Variants in A2ML1 observed in about 807,000 individuals in gnomAD.
The protein encoded by A2ML1 is alpha-2-macroglobulin like 1.
A2ML1 carries 161 observed loss-of-function variants against 181.9 expected under a neutral mutation model. The ratio of observed to expected loss-of-function variants is 0.89; its 90% CI spans 0.78 to 1.01. The LOEUF is 1.01. A2ML1 is among the 50% of genes least tolerant of loss of function. The probability of loss-of-function intolerance (pLI) is 0.00; values close to 1 mark genes in which losing one functional copy is unlikely to be tolerated. For synonymous variants in A2ML1, 663 were observed against 666.8 expected (o/e 0.99, Z 0.09); for missense variants, 1,670 against 1,768.1 (o/e 0.94, Z 1.00).
chr12:8,857,561 G>A lies in A2ML1; in HGVS notation c.3080G>A (p.Gly1027Glu), dbSNP rs1167504920. Reference protein sequence around the residue: ...KHSNGSYSAFGERDGNGNTWL... With the variant: ...KHSNGSYSAFEERDGNGNTWL... ...AGCAATGGCTCATACAGTGCCTTTGGGGAGCGAGATGGAAATGGAAACACA... is the reference window on the plus strand; with the variant it reads ...AGCAATGGCTCATACAGTGCCTTTGAGGAGCGAGATGGAAATGGAAACACA... The change falls in exon 25 of 36, where the codon GGG (glycine) becomes GAG (glutamate). Residue 1027 changes from glycine to glutamate, a missense_variant. Coordinates refer to ENST00000299698, the MANE Select transcript of A2ML1 (RefSeq NM_144670.6). 6.2e-7 allele frequency: 1 copy of A among 1,611,864 alleles called. No homozygotes were observed. Among genetic ancestry groups the A allele is most frequent in the Non-Finnish European group, 8.5e-7 (1 of 1,179,128 alleles).
chr12:8,830,681 T>G (rs1943081970), intron 4 of A2ML1: 1 of 152,174 alleles, frequency 6.6e-6, no homozygotes, highest in Non-Finnish European at 1.5e-5. Context: ...ACCCCTGCTT[T>G]CTTCCTCTTC....
At chr12:8,866,597 T>G (rs1944435921) in intron 29 of A2ML1, among the ~76,000 whole-genome samples, 1 of 152,162 alleles carries the variant, frequency 6.6e-6, no homozygotes, top group South Asian at 2.1e-4. Context: ...TTACCCACAC[T>G]GGTTTTTCAG....
chr12:8,831,242 G>GCACC (rs1943103278), intron 4 of A2ML1, among the ~76,000 whole-genome samples: 2 of 152,120 alleles, frequency 1.3e-5, no homozygotes, highest in South Asian at 4.1e-4. Context: ...CTGAGCCACT[G>GCACC]CACCCGGCCT....
Position 8,850,148 on chromosome 12 carries a change from C to T in A2ML1, c.2120-12C>T, listed in dbSNP as rs1943838344. 6.9e-6 allele frequency: 11 copies of T among 1,588,288 alleles called. No individual in the cohort carries two copies. Among genetic ancestry groups the T allele is most frequent in the Non-Finnish European group, 9.4e-6 (11 of 1,170,900 alleles). On this transcript the variant is annotated splice_polypyrimidine_tract_variant and intron_variant, in intron 17 of 35. Transcript: ENST00000299698. The stretch of plus-strand genomic sequence containing the variant: ...CTGTTTCCTAAAGTTTTCGTATTCT[C>T]AATTTCATCAGCAGGCGGTGGTCAT...
chr12:8,870,605 C>T (rs1287150949), intron 33 of A2ML1, among the ~76,000 whole-genome samples: 1 of 152,148 alleles, frequency 6.6e-6, no homozygotes, highest in African/African-American at 2.4e-5. Context: ...CTCGGGTTAG[C>T]TTATCTGGCA....
intron 2 of A2ML1, 30 bp downstream of exon 2, chr12:8,823,395 C>A: frequency 6.3e-7 from 1 of 1,589,150 alleles, no homozygotes; most frequent in South Asian, 1.1e-5. Context: ...TCACTCGAAT[C>A]CCTTACTTGC....
At chr12:8,841,302 T>A in intron 10 of A2ML1, 67 bp from the exon 11 acceptor site, 1 of 1,450,296 alleles carries the variant, frequency 6.9e-7, no homozygotes, top group South Asian at 1.4e-5. Flanking sequence ...ACCTAATATT[T>A]CACTTTACCT....
intron 17 of A2ML1, among the ~76,000 whole-genome samples, 162 bp from the exon 18 acceptor site, chr12:8,849,998 C>G (rs1441313695): frequency 2.0e-5 from 3 of 152,134 alleles, no homozygotes; most frequent in Non-Finnish European, 4.4e-5. Flanking sequence ...CCCTCGATGG[C>G]CTTTGTGACT....
intron 33 of A2ML1, among the ~76,000 whole-genome samples, chr12:8,870,738 G>A (rs1419259424): frequency 6.6e-6 from 1 of 152,132 alleles, no homozygotes; most frequent in Non-Finnish European, 1.5e-5. Context: ...TGGAGAGAGA[G>A]AGTGGGTTGT....
At position 8,841,565 on chromosome 12, in the gene A2ML1, A is replaced by T. The variant is rs139302523; in HGVS notation, c.1248+29A>T. The T allele has an allele frequency of 5.6e-4, 893 of 1,585,714 alleles. 5 individuals are homozygous for T. In the African/African-American group the frequency reaches 0.01, roughly 19 times the overall value. ...AGCATGGACGGAGGACCAGCTTCCT[A>T]GAAAGGAAGGCTTCCCTGAAGGAAA... On this transcript the variant is annotated intron_variant, in intron 11 of 35. Coordinates refer to ENST00000299698, the MANE Select transcript of A2ML1 (RefSeq NM_144670.6).
rs759591493 is a variant in A2ML1, at chr12:8,828,755, G to A, written c.410-972G>A. 1.7e-4 allele frequency among the ~76,000 whole-genome samples: 26 copies of A among 152,298 alleles called. No homozygotes were observed. In the South Asian group the frequency reaches 4.6e-3, roughly 27 times the overall value. ...TCTCTGAGTCTCACCCAAGGCCCACGACAAGTACTGCCCAGCTATCACTGC... is the reference window on the plus strand; with the variant it reads ...TCTCTGAGTCTCACCCAAGGCCCACAACAAGTACTGCCCAGCTATCACTGC... On this transcript the variant is annotated intron_variant, in intron 3 of 35. Transcript: ENST00000299698.
chr12:8,831,775 GT>G (rs1159507463), intron 4 of A2ML1, among the ~76,000 whole-genome samples: 5 of 151,734 alleles, frequency 3.3e-5, no homozygotes, highest in Non-Finnish European at 5.9e-5. Context: ...TTGAGACGGA[GT>G]TTCATTCTTG....
intron 23 of A2ML1, among the ~76,000 whole-genome samples, chr12:8,856,536 T>C (rs1565484329): frequency 6.6e-6 from 1 of 152,108 alleles, no homozygotes; most frequent in Non-Finnish European, 1.5e-5. Flanking sequence ...CAGTGACAAC[T>C]TGGAAAAGAG....
rs1024135784 is a variant in A2ML1, at chr12:8,852,758, G to A, written c.2590+422G>A. On this transcript the variant is annotated intron_variant, in intron 20 of 35. Transcript: ENST00000299698. This position sits in a 1 kb window ranked among gnomAD's most constrained non-coding sequence, Gnocchi z 4.2. ...GTTGCGCAGGCTGGAGTGCAGTGGT[G>A]CAATCTGTGCTTACTGCAACCTCCA... Among the ~76,000 whole-genome samples the A allele has an allele frequency of 6.6e-5, 10 of 152,080 alleles. No individual in the cohort carries two copies. Among genetic ancestry groups the A allele is most frequent in the African/African-American group, 2.4e-4 (10 of 41,412 alleles).
At chr12:8,839,045 T>C in intron 9 of A2ML1, 68 bp from the exon 10 acceptor site, 1 of 1,109,218 alleles carries the variant, frequency 9.0e-7, no homozygotes, top group East Asian at 2.4e-5. Context: ...TCTCAGAGAC[T>C]TGACATTAAA....
intron 7 of A2ML1, among the ~76,000 whole-genome samples, chr12:8,837,172 A>C (rs901262294): frequency 6.6e-6 from 1 of 152,150 alleles, no homozygotes; most frequent in African/African-American, 2.4e-5. Flanking sequence ...GGTGTGAGCC[A>C]CCATGCCCAG....
intron 23 of A2ML1, 93 bp from the exon 24 acceptor site, chr12:8,857,071 G>A (rs930016679): frequency 8.0e-7 from 1 of 1,256,464 alleles, no homozygotes; most frequent in Non-Finnish European, 1.1e-6. Context: ...TTAAATGATA[G>A]CTAATACGTG....
At chr12:8,824,935 G>A (rs1180599639) in intron 3 of A2ML1, among the ~76,000 whole-genome samples, 1 of 152,010 alleles carries the variant, frequency 6.6e-6, no homozygotes, top group Non-Finnish European at 1.5e-5. Context: ...CTTTTTTATG[G>A]CTGAATAGTA....
At chr12:8,836,004 C>G (rs1034561674) in intron 6 of A2ML1, among the ~76,000 whole-genome samples, 1 of 132,152 alleles carries the variant, frequency 7.6e-6, no homozygotes, top group Non-Finnish European at 1.6e-5. Context: ...CAGAGCAAGA[C>G]TCCGTCTCAA....
Sources: allele counts gnomAD v4.1 joint callset (sites outside exome capture counted in the v4.1 genomes callset), GRCh38; gene constraint gnomAD v4.1.1; non-coding constraint Gnocchi (gnomAD v3.1); transcripts MANE v1.5; gene names NCBI Gene and HGNC (gene_info 2026-07-23, HGNC 2026-07-21).